The following IGSF10 variants were observed in gnomAD, a reference collection of about 807,000 sequenced individuals.
IGSF10 encodes the protein immunoglobulin superfamily member 10.
Under a neutral mutation model 128.2 loss-of-function variants are expected in IGSF10, and 126 were observed. The ratio of observed to expected loss-of-function variants is 0.98; its 90% CI spans 0.85 to 1.14. IGSF10 has a LOEUF of 1.14. IGSF10 is among the 50% of genes most tolerant of loss of function. The probability of loss-of-function intolerance (pLI) is 0.00; values close to 1 mark genes in which losing one functional copy is unlikely to be tolerated. For missense variants in IGSF10, 3,295 were observed against 3,149.8 expected, an observed-to-expected ratio of 1.05 and a Z score of -1.10; for synonymous variants, 1,185 against 1,146.2, an observed-to-expected ratio of 1.03 and a Z score of -0.68.
Position 151,438,226 on chromosome 3 carries a change from G to A in IGSF10, c.6335C>T (p.Ala2112Val), listed in dbSNP as rs377142937. The A allele has an allele frequency of 1.6e-5, 26 of 1,613,902 alleles. No individual in the cohort carries two copies. The highest frequency in any genetic ancestry group is 1.6e-4 in the Middle Eastern group (1 of 6,084). ...GTLYFNKVGVAEEGDYTCYAQ... is the reference protein window; with the variant it reads ...GTLYFNKVGVVEEGDYTCYAQ... The stretch of plus-strand genomic sequence containing the variant: ...ATAGCAAGTATAATCTCCTTCCTCC[G>A]CTACCCCAACTTTGTTGAAGTATAA... Residue 2112 changes from alanine to valine, a missense_variant, in exon 8 of 8, where the codon GCG becomes GTG. Ala to Val is a moderately conservative substitution (Grantham distance 64). Coordinates refer to ENST00000282466, the MANE Select transcript of IGSF10 (RefSeq NM_178822.5).
chr3:151,538,672 T>C, the IGSF10 span, among the ~76,000 whole-genome samples: 28 of 152,260 alleles, frequency 1.8e-4, no homozygotes, highest in East Asian at 4.1e-3. Context: ...CATAAAGAAA[T>C]TTAATTTAAA....
In IGSF10 at chr3:151,444,923, T is replaced by C. The variant is rs977628924; in HGVS notation, c.5058A>G (p.Pro1686=). 3.1e-6 allele frequency: 5 copies of C among 1,593,004 alleles called. No homozygotes were observed. The African/African-American group carries it at 6.8e-5, about 22-fold the overall frequency. ...TAAAGAAAAAGTTTCACATACCTGA[T>C]GGGACTCTGGTCCAATGAATGGTGG... ...PLPTIHWTRV[P]SGLDLSKRKQ... The change falls in exon 6 of 8, where the codon CCA becomes CCG. Residue 1686 remains proline (P), a synonymous_variant. Coordinates refer to ENST00000282466, the MANE Select transcript of IGSF10 (RefSeq NM_178822.5).
the IGSF10 span, among the ~76,000 whole-genome samples, chr3:151,567,543 A>G: frequency 1.3e-5 from 2 of 152,170 alleles, no homozygotes; most frequent in African/African-American, 4.8e-5. Context: ...GGCCTCTCCC[A>G]GCATTAGTTA....
At chr3:151,509,303 A>G in the IGSF10 span, among the ~76,000 whole-genome samples, 1 of 152,194 alleles carries the variant, frequency 6.6e-6, no homozygotes, top group South Asian at 2.1e-4. Context: ...TAGATATACA[A>G]TTTGAATGAA....
chr3:151,504,457 T>C, the IGSF10 span, among the ~76,000 whole-genome samples: 25 of 152,332 alleles, frequency 1.6e-4, no homozygotes, highest in South Asian at 5.0e-3. Flanking sequence ...AAAAAATATC[T>C]TGATCCTTTT....
chr3:151,595,784 GGAAGGA>G, the IGSF10 span, among the ~76,000 whole-genome samples: 7 of 151,004 alleles, frequency 4.6e-5, no homozygotes, highest in Non-Finnish European at 7.4e-5. Flanking sequence ...GGTTACTAGG[GGAAGGA>G]GAAGGAGAAG....
At chr3:151,509,443 C>T in the IGSF10 span, among the ~76,000 whole-genome samples, 35 of 152,184 alleles carry the variant, frequency 2.3e-4, no homozygotes, top group Non-Finnish European at 3.2e-4. Flanking sequence ...AGAACCAAGA[C>T]GACCATGTTT....
the IGSF10 span, among the ~76,000 whole-genome samples, chr3:151,519,361 T>TA: frequency 2.0e-5 from 3 of 151,736 alleles, no homozygotes; most frequent in Non-Finnish European, 4.4e-5. Flanking sequence ...GTTAGATTTT[T>TA]AACTGCAATT....
At chr3:151,463,539 T>TTTTTG (rs1560185514), upstream of IGSF10, among the ~76,000 whole-genome samples, 1 of 107,488 alleles carries the variant, frequency 9.3e-6, no homozygotes, top group African/African-American at 3.9e-5. Context: ...TTTTTTTTTT[T>TTTTTG]TTTTTTTTTT....
chr3:151,550,362 C>G, the IGSF10 span, among the ~76,000 whole-genome samples: 8 of 152,064 alleles, frequency 5.3e-5, no homozygotes, highest in African/African-American at 1.9e-4. Context: ...CTTTTATAAT[C>G]TTTAATTGAG....
chr3:151,496,117 CCTT>C, the IGSF10 span, among the ~76,000 whole-genome samples: 1 of 152,068 alleles, frequency 6.6e-6, no homozygotes, highest in African/African-American at 2.4e-5. Context: ...AGGATACACT[CCTT>C]CTTGGCTTGT....
chr3:151,485,088 G>A, the IGSF10 span, among the ~76,000 whole-genome samples: 391 of 152,060 alleles, frequency 2.6e-3, 2 homozygotes, highest in African/African-American at 8.8e-3. Flanking sequence ...TATAATAATC[G>A]GTTTAGAGAA....
At chr3:151,563,415 A>G in the IGSF10 span, among the ~76,000 whole-genome samples, 1 of 152,182 alleles carries the variant, frequency 6.6e-6, no homozygotes. Context: ...GGAAATCCTG[A>G]ATCTAATAAA....
chr3:151,585,755 T>G, the IGSF10 span, among the ~76,000 whole-genome samples: 1 of 152,148 alleles, frequency 6.6e-6, no homozygotes, highest in South Asian at 2.1e-4. Flanking sequence ...TGTTTTTACT[T>G]CCATGCATGT....
chr3:151,543,584 C>T, the IGSF10 span, among the ~76,000 whole-genome samples: 1 of 152,162 alleles, frequency 6.6e-6, no homozygotes, highest in African/African-American at 2.4e-5. Flanking sequence ...CTCTCTTTCT[C>T]TGGGTACCAA....
At chr3:151,474,468 T>C in the IGSF10 span, among the ~76,000 whole-genome samples, 3 of 152,306 alleles carry the variant, frequency 2.0e-5, no homozygotes, top group African/African-American at 7.2e-5. Flanking sequence ...AGTTTCCAAG[T>C]TATTATGATT....
chr3:151,502,490 A>G, the IGSF10 span, among the ~76,000 whole-genome samples: 1 of 152,008 alleles, frequency 6.6e-6, no homozygotes, highest in African/African-American at 2.4e-5. Flanking sequence ...CAGATAAACA[A>G]AAACTCTCTC....
the IGSF10 span, among the ~76,000 whole-genome samples, chr3:151,474,958 T>G: frequency 6.6e-6 from 1 of 152,106 alleles, no homozygotes; most frequent in Admixed American, 6.5e-5. Flanking sequence ...CCTCCCACAA[T>G]ATGTGGGATT....
the IGSF10 span, among the ~76,000 whole-genome samples, chr3:151,594,297 A>C: frequency 6.6e-6 from 1 of 151,746 alleles, no homozygotes; most frequent in African/African-American, 2.4e-5. Flanking sequence ...AGAGCTGTGA[A>C]TAAAGATTCC....
Sources: allele counts gnomAD v4.1 joint callset (sites outside exome capture counted in the v4.1 genomes callset), GRCh38; gene constraint gnomAD v4.1.1; transcripts MANE v1.5; gene names NCBI Gene and HGNC (gene_info 2026-07-23, HGNC 2026-07-21).